NECTIN4: variants seen among roughly 807,000 people sequenced by gnomAD.
The protein encoded by NECTIN4 is nectin-4.
NECTIN4 carries 19 observed loss-of-function variants against 51.7 expected under a neutral mutation model. The observed-to-expected ratio is 0.37, with a 90% CI of 0.26 to 0.54. The LOEUF is 0.54. NECTIN4 is among the 20% of genes least tolerant of loss of function. The probability of loss-of-function intolerance (pLI) is 0.86; values close to 1 mark genes in which losing one functional copy is unlikely to be tolerated. For synonymous variants in NECTIN4, 283 were observed against 286.9 expected, an observed-to-expected ratio of 0.99 and a Z score of 0.14; for missense variants, 619 against 662.4, an observed-to-expected ratio of 0.93 and a Z score of 0.72.
chr1:161,075,241 T>A (rs1327239496), intron 4 of NECTIN4, among the ~76,000 whole-genome samples: 1 of 152,202 alleles, frequency 6.6e-6, no homozygotes, highest in Non-Finnish European at 1.5e-5. Flanking sequence ...CACACACATG[T>A]GTACCCAACC....
At chr1:161,075,599 C>T (rs954091721) in intron 4 of NECTIN4, among the ~76,000 whole-genome samples, 1 of 151,908 alleles carries the variant, frequency 6.6e-6, no homozygotes, top group African/African-American at 2.4e-5. Flanking sequence ...GGTGAAAGCC[C>T]ATCTCTACTA....
chr1:161,080,692 G>C (rs1038646186), intron 1 of NECTIN4, among the ~76,000 whole-genome samples: 3 of 152,178 alleles, frequency 2.0e-5, no homozygotes, highest in Non-Finnish European at 2.9e-5. Context: ...CACAACAACC[G>C]GGTCAGAATT....
chr1:161,083,004 A>G (rs1653757012), intron 1 of NECTIN4, among the ~76,000 whole-genome samples: 1 of 151,856 alleles, frequency 6.6e-6, no homozygotes, highest in South Asian at 2.1e-4. Flanking sequence ...ACCACTAATC[A>G]CCTATATTTC....
Position 161,073,678 on chromosome 1 carries a change from C to A in NECTIN4, c.1233+42G>T, listed in dbSNP as rs200545797. On this transcript the variant is annotated intron_variant, in intron 7 of 8. Transcript: ENST00000368012. ...GCCCAGGCACAAGCAGACCCCAATG[C>A]GACCACACCCCTGCATGCATACACC... 14 of 1,539,256 alleles carry A rather than the reference C, an allele frequency of 9.1e-6. No individual in the cohort carries two copies. In the East Asian group the frequency reaches 2.7e-4, roughly 30 times the overall value.
At chr1:161,073,833 T>C (rs750359057) in intron 6 of NECTIN4, 38 bp from the exon 7 acceptor site, 1 of 1,581,230 alleles carries the variant, frequency 6.3e-7, no homozygotes, top group Non-Finnish European at 8.7e-7. Context: ...CTGAGGGTAG[T>C]GGCAGCCTCC....
Position 161,072,814 on chromosome 1 carries a change from C to T in NECTIN4, c.1380G>A (p.Leu460=), listed in dbSNP as rs1653237155. The T allele has an allele frequency of 6.2e-7, 1 of 1,614,112 alleles. No homozygotes were observed. Among genetic ancestry groups the T allele is most frequent in the African/African-American group, 1.3e-5 (1 of 74,950 alleles). ...TVREIETQTE[L]LSPGSGRAEE... is the part of the protein sequence containing the mutation. ...CGGCCCGCCCAGAGCCTGGAGACAG[C>T]AGTTCAGTCTGTGTTTCTATCTCCC... Residue 460 remains leucine, a synonymous_variant, in exon 9 of 9, where the codon CTG becomes CTA. Coordinates refer to ENST00000368012, the MANE Select transcript of NECTIN4 (RefSeq NM_030916.3).
chr1:161,079,495 T>C (rs1215414923), intron 2 of NECTIN4, 95 bp downstream of exon 2: 4 of 1,508,090 alleles, frequency 2.7e-6, no homozygotes, highest in Non-Finnish European at 3.6e-6. Context: ...TTTTTATTCC[T>C]GTTCTACCTC....
intron 2 of NECTIN4, among the ~76,000 whole-genome samples, chr1:161,078,817 C>T (rs1653532543): frequency 6.6e-6 from 1 of 151,862 alleles, no homozygotes; most frequent in African/African-American, 2.4e-5. Context: ...CGAGACCATC[C>T]TGGCTAACAC....
chr1:161,079,493 C>T (rs913226421), intron 2 of NECTIN4, 97 bp downstream of exon 2: 3 of 1,499,296 alleles, frequency 2.0e-6, no homozygotes. Context: ...ACTTTTTATT[C>T]CTGTTCTACC....
intron 6 of NECTIN4, 79 bp from the exon 7 acceptor site, chr1:161,073,874 G>GA (rs1653297113): frequency 2.9e-5 from 38 of 1,321,040 alleles, no homozygotes; most frequent in Non-Finnish European, 3.9e-5. Context: ...TGAGCCTAGT[G>GA]AGACAGGCCC....
At chr1:161,085,455 C>A (rs1653900566) in intron 1 of NECTIN4, among the ~76,000 whole-genome samples, 2 of 152,108 alleles carry the variant, frequency 1.3e-5, no homozygotes, top group South Asian at 4.1e-4. Context: ...AACCCCTGCT[C>A]CACACTGCCC....
intron 1 of NECTIN4, among the ~76,000 whole-genome samples, chr1:161,088,463 C>T: frequency 6.6e-6 from 1 of 152,072 alleles, no homozygotes; most frequent in Non-Finnish European, 1.5e-5. Context: ...ATTAGACAGA[C>T]AGGAGGTGAG....
chr1:161,087,811 G>C (rs762790178), intron 1 of NECTIN4, among the ~76,000 whole-genome samples: 7 of 152,082 alleles, frequency 4.6e-5, no homozygotes, highest in Non-Finnish European at 7.4e-5. Flanking sequence ...TAATCTTGCA[G>C]ATCTCACTTG....
chr1:161,077,401 C>G, intron 3 of NECTIN4, 52 bp downstream of exon 3: 50 of 1,606,168 alleles, frequency 3.1e-5, no homozygotes, highest in Non-Finnish European at 4.2e-5. Flanking sequence ...GGCATCTCAC[C>G]AATCTGCTGA....
chr1:161,081,323 G>T (rs1204881067), intron 1 of NECTIN4, among the ~76,000 whole-genome samples: 1 of 152,044 alleles, frequency 6.6e-6, no homozygotes, highest in Non-Finnish European at 1.5e-5. Context: ...GAAGGCTGCA[G>T]CTGCAGCCTG....
rs776224122 is a variant in NECTIN4 at position 161,072,701 on chromosome 1, C to T, written c.1493G>A (p.Gly498Asp). 8.1e-6 allele frequency: 13 copies of T among 1,614,206 alleles called. No homozygotes were observed. Among genetic ancestry groups the T allele is most frequent in the Non-Finnish European group, 1.1e-5 (13 of 1,180,034 alleles). Residue 498 changes from glycine to aspartate, a missense_variant, in exon 9 of 9, where the codon GGC becomes GAC. Gly to Asp is a moderately conservative substitution (Grantham distance 94, BLOSUM62 -1). Transcript: ENST00000368012. ...CCGCCCATTGATGTAGATGCCATTG[C>T]CCGTGGGCTTGGCCCGTAGGGTCCC... The part of the protein sequence containing the change: ...ENGTLRAKPT[G>D]NGIYINGRGH...
chr1:161,080,003 G>A, intron 1 of NECTIN4, 54 bp from the exon 2 acceptor site: 2 of 1,542,358 alleles, frequency 1.3e-6, no homozygotes, highest in Non-Finnish European at 1.8e-6. Flanking sequence ...AGAGCTGGGG[G>A]AGCACAGTCA....
chr1:161,072,906 G>A (rs762257129), intron 8 of NECTIN4, 21 bp from the exon 9 acceptor site: 1 of 1,598,712 alleles, frequency 6.3e-7, no homozygotes, highest in Non-Finnish European at 8.5e-7. Context: ...AGGGCAAAGG[G>A]CAAGTCAGGA....
In NECTIN4 at chr1:161,073,758, G is replaced by C. The variant is rs775613722; in HGVS notation, c.1195C>G (p.Arg399Gly). The part of the protein sequence containing the change: ...ELTLTRENSI[R>G]RLHSHHTDPR... The stretch of plus-strand genomic sequence containing the variant: ...TCCGTGTGATGGGAATGCAGCCTCC[G>C]GATGGAGTTCTCCCTGGTCAGGGTC... Residue 399 changes from arginine to glycine, a missense_variant, in exon 7 of 9, where the codon CGG (arginine) becomes GGG (glycine). Physicochemically the swap from Arg to Gly is moderately radical, Grantham distance 125. Transcript: ENST00000368012. 6.2e-7 allele frequency: 1 copy of C among 1,614,062 alleles called. No individual in the cohort carries two copies. The highest frequency in any genetic ancestry group is 8.5e-7 in the Non-Finnish European group (1 of 1,180,022).
Sources: allele counts gnomAD v4.1 joint callset (sites outside exome capture counted in the v4.1 genomes callset), GRCh38; gene constraint gnomAD v4.1.1; transcripts MANE v1.5; gene names NCBI Gene and HGNC (gene_info 2026-07-23, HGNC 2026-07-21).